The following FAM131B variants were observed in gnomAD, a reference collection of about 807,000 sequenced individuals.
FAM131B encodes family with sequence similarity 131 member B, also known as protein FAM131B.
Under a neutral mutation model 42.0 loss-of-function variants are expected in FAM131B, and 19 were observed. The observed-to-expected ratio is 0.45, with a 90% CI of 0.32 to 0.66. FAM131B has a LOEUF of 0.66. Among genes scored for constraint, FAM131B ranks in the 30% least tolerant of loss-of-function variants. The pLI is 0.05. For synonymous variants in FAM131B, 183 were observed against 177.6 expected, an observed-to-expected ratio of 1.03 and a Z score of -0.24; for missense variants, 370 against 468.4, an observed-to-expected ratio of 0.79 and a Z score of 1.94.
the FAM131B span, chr7:143,380,086 G>GA: frequency 1.0e-6 from 1 of 985,428 alleles, no homozygotes; most frequent in Non-Finnish European, 1.2e-6. The surrounding 1 kb of genome is among the most constrained non-coding windows in gnomAD (Gnocchi z 5.0). Flanking sequence ...TGAACAAGAC[G>GA]AAGGCCTCAG....
At chr7:143,366,275 A>G (rs73456471), upstream of FAM131B, among the ~76,000 whole-genome samples, 2,981 of 152,280 alleles carry the variant, frequency 0.02, 113 homozygotes, top group African/African-American at 0.068. Flanking sequence ...TGGGAAAGCA[A>G]TGATCTTTCT....
At chr7:143,380,508 C>G in the FAM131B span, 1 of 985,504 alleles carries the variant, frequency 1.0e-6, no homozygotes, top group African/African-American at 1.7e-5. This position sits in a 1 kb window ranked among gnomAD's most constrained non-coding sequence, Gnocchi z 5.0. Context: ...GCGTCCGCGT[C>G]CGTCCTCCCG....
chr7:143,366,733 T>C (rs1056848973), upstream of FAM131B, among the ~76,000 whole-genome samples: 2 of 152,040 alleles, frequency 1.3e-5, no homozygotes, highest in African/African-American at 4.8e-5. Context: ...AATTTTTGTA[T>C]TTTTAGTACA....
the FAM131B span, chr7:143,382,300 T>G: frequency 6.2e-7 from 1 of 1,611,946 alleles, no homozygotes; most frequent in Non-Finnish European, 8.5e-7. Flanking sequence ...ATGCAGAGGG[T>G]GCTCTGGGAG....
At chr7:143,360,779 G>C (rs533975555) in intron 1 of FAM131B, 1 of 152,510 alleles carries the variant, frequency 6.6e-6, no homozygotes, top group African/African-American at 2.4e-5. Context: ...GGAGAAAAGA[G>C]AACTTTTTAA....
chr7:143,380,546 C>T, the FAM131B span: 40 of 985,522 alleles, frequency 4.1e-5, no homozygotes, highest in East Asian at 4.1e-3. The surrounding 1 kb of genome is among the most constrained non-coding windows in gnomAD (Gnocchi z 5.0). Context: ...CGGCCGCCGC[C>T]TCGGCCCCGC....
chr7:143,356,535 C>T lies in FAM131B; in HGVS notation c.*15G>A, dbSNP rs370355870. 2 of 1,588,488 alleles carry T rather than the reference C, an allele frequency of 1.3e-6. No individual in the cohort carries two copies. Among genetic ancestry groups the T allele is most frequent in the Middle Eastern group, 1.7e-4 (1 of 6,034 alleles). On this transcript the variant is annotated 3_prime_UTR_variant, in exon 7 of 7. Coordinates refer to ENST00000443739, the MANE Select transcript of FAM131B (RefSeq NM_001031690.3). This position sits in a 1 kb window ranked among gnomAD's most constrained non-coding sequence, Gnocchi z 4.4. ...CCTCAGGTGGGAGTGGAAGGCAGGG[C>T]ATTGGGGGAGGAAACTAGTTGTTGG...
In FAM131B at chr7:143,358,879, C is replaced by T. The variant is rs751508007; in HGVS notation, c.414G>A (p.Thr138=). Residue 138 remains threonine, a synonymous_variant, in exon 5 of 7, where the codon ACG becomes ACA. Coordinates refer to ENST00000443739, the MANE Select transcript of FAM131B (RefSeq NM_001031690.3). The surrounding 1 kb of genome is among the most constrained non-coding windows in gnomAD (Gnocchi z 4.7). ...CATCGCTGAGGTCGGAGTAGGCATC[C>T]GTATCCCTGCGCACGGACTCATGGC... The part of the protein sequence containing the change: ...QHSHESVRRD[T]DAYSDLSDGE... 1.2e-5 allele frequency: 20 copies of T among 1,614,122 alleles called. No homozygotes were observed. Among genetic ancestry groups the T allele is most frequent in the African/African-American group, 8.0e-5 (6 of 75,028 alleles).
chr7:143,382,067 A>T, the FAM131B span: 2 of 618,656 alleles, frequency 3.2e-6, no homozygotes, highest in Non-Finnish European at 5.5e-6. Context: ...ACTCCTCGGC[A>T]GTGCGCCCGG....
chr7:143,359,113 G>T lies in FAM131B; in HGVS notation c.269-89C>A. The T allele has an allele frequency of 7.3e-7, 1 of 1,365,020 alleles. No individual in the cohort carries two copies. Among genetic ancestry groups the T allele is most frequent in the Non-Finnish European group, 1.0e-6 (1 of 988,036 alleles). The allele number at this position is 1,365,020 out of a possible 1,614,324, so 84.6% of individuals were successfully genotyped here. A position where few individuals can be genotyped will look rare whatever the true frequency, so the allele number is the denominator to read the frequency against. On this transcript the variant is annotated intron_variant, in intron 4 of 6. Transcript: ENST00000443739. The surrounding 1 kb of genome is among the most constrained non-coding windows in gnomAD (Gnocchi z 5.4). ...CCAGTTCCTCCCACCCCAGCCCCAT[G>T]AGGCTCCATCCCACTGGGCCAGGCT...
upstream of FAM131B, among the ~76,000 whole-genome samples, chr7:143,367,662 G>A (rs538713028): frequency 2.6e-4 from 40 of 152,164 alleles, no homozygotes; most frequent in African/African-American, 7.5e-4. Context: ...CCAATATCAC[G>A]CCACTATACT....
chr7:143,381,138 G>C, the FAM131B span: 2 of 954,870 alleles, frequency 2.1e-6, no homozygotes, highest in Non-Finnish European at 2.5e-6. Context: ...AGCGGACCTC[G>C]GCGGAGCCTC....
At chr7:143,381,099 C>A in the FAM131B span, 593 of 630,992 alleles carry the variant, frequency 9.4e-4, 4 homozygotes, top group African/African-American at 0.012. Flanking sequence ...GCTGGGGCGG[C>A]GGGGGCGGCA....
At chr7:143,381,627 T>C in the FAM131B span, 1 of 1,612,294 alleles carries the variant, frequency 6.2e-7, no homozygotes, top group Non-Finnish European at 8.5e-7. Context: ...GCTCCGGCTT[T>C]TTACGCCCCG....
chr7:143,362,585 G>C lies in FAM131B; in HGVS notation c.19C>G (p.Arg7Gly). 1.6e-6 allele frequency: 2 copies of C among 1,222,284 alleles called. No homozygotes were observed. The highest frequency in any genetic ancestry group is 3.1e-5 in the African/African-American group (2 of 63,940). 75.7% of individuals were successfully genotyped at this position (1,222,284 alleles called of 1,614,324 possible). A position where few individuals can be genotyped will look rare whatever the true frequency, so the allele number is the denominator to read the frequency against. The change falls in exon 1 of 7, where the codon CGG (arginine) becomes GGG (glycine). Residue 7 changes from arginine (R) to glycine (G), a missense_variant. Physicochemically the swap from Arg to Gly is moderately radical, Grantham distance 125. Transcript: ENST00000443739. The surrounding 1 kb of genome is among the most constrained non-coding windows in gnomAD (Gnocchi z 7.7). MGCIGSRTVGNEVIAVD... is the reference protein window; with the variant it reads MGCIGSGTVGNEVIAVD... ...CGGCCGCGGTACCCACCCACAGTCC[G>C]GGAGCCGATGCAGCCCATGGCTCCG...
In FAM131B at chr7:143,358,768, G is replaced by C; in HGVS notation, c.466+59C>G. 2 of 1,397,138 alleles carry C rather than the reference G, an allele frequency of 1.4e-6. No individual in the cohort carries two copies. Among genetic ancestry groups the C allele is most frequent in the Non-Finnish European group, 2.0e-6 (2 of 995,048 alleles). The allele number at this position is 1,397,138 out of a possible 1,614,324, so 86.5% of individuals were successfully genotyped here. A position where few individuals can be genotyped will look rare whatever the true frequency, so the allele number is the denominator to read the frequency against. The stretch of plus-strand genomic sequence containing the variant: ...AATCCTGCCACAGGGGATCAGGTTG[G>C]AGGGTCGGTCCCTGGCCATCCTGCA... On this transcript the variant is annotated intron_variant, in intron 5 of 6. Coordinates refer to ENST00000443739, the MANE Select transcript of FAM131B (RefSeq NM_001031690.3). The surrounding 1 kb of genome is among the most constrained non-coding windows in gnomAD (Gnocchi z 4.7).
rs991310134 is a variant in FAM131B, at chr7:143,353,871, C to CT, written c.*2678_*2679insA. The CT allele has an allele frequency of 2.6e-5, 4 of 151,124 alleles. No homozygotes were observed. The highest frequency in any genetic ancestry group is 7.3e-5 in the African/African-American group (3 of 41,098). The allele number at this position is 151,124 out of a possible 1,614,324, so 9.4% of individuals were successfully genotyped here. On this transcript the variant is annotated 3_prime_UTR_variant, in exon 7 of 7. Coordinates refer to ENST00000443739, the MANE Select transcript of FAM131B (RefSeq NM_001031690.3). ...GTCAATTGAAAATGAAAGTGCACCC[C>CT]CCCTCCAAAAAAAGAAAATCATTTA...
At chr7:143,366,560 T>TTC (rs10659546), upstream of FAM131B, among the ~76,000 whole-genome samples, 7 of 83,072 alleles carry the variant, frequency 8.4e-5, no homozygotes, top group Non-Finnish European at 1.1e-4. Flanking sequence ...GTCTGTATTC[T>TTC]TTTTTTTTTT....
rs994792009 is a variant in FAM131B at position 143,353,718 on chromosome 7, C to T, written c.*2832G>A. On this transcript the variant is annotated 3_prime_UTR_variant, in exon 7 of 7. Coordinates refer to ENST00000443739, the MANE Select transcript of FAM131B (RefSeq NM_001031690.3). ...GGTGTGTGGGATGTATAGGTGAGGT[C>T]GTGGAGAAGATAATAAACTCATTCC... The T allele has an allele frequency of 1.3e-5, 2 of 151,908 alleles. No individual in the cohort carries two copies. Among genetic ancestry groups the T allele is most frequent in the African/African-American group, 2.4e-5 (1 of 41,110 alleles). The allele number at this position is 151,908 out of a possible 1,614,324, so 9.4% of individuals were successfully genotyped here.
Sources: gnomAD v4.1 joint callset for allele counts (sites outside exome capture counted in the v4.1 genomes callset) on GRCh38, gnomAD v4.1.1 for gene constraint, Gnocchi (gnomAD v3.1) non-coding constraint, MANE v1.5 for transcripts, NCBI Gene and HGNC (gene_info 2026-07-23, HGNC 2026-07-21) for gene names.